The following FZD6 variants were observed in gnomAD, a reference collection of about 807,000 sequenced individuals.
FZD6 encodes frizzled-6.
Under a neutral mutation model 61.4 loss-of-function variants are expected in FZD6, and 49 were observed. The observed-to-expected ratio is 0.80, with a 90% CI of 0.63 to 1.01. The LOEUF is 1.01. Ranked by LOEUF, FZD6 falls within the 50% of genes least tolerant of loss-of-function variation. The pLI is 0.00. For missense variants in FZD6, 724 were observed against 848.2 expected (o/e 0.85, Z 1.82); for synonymous variants, 265 against 292.2 (o/e 0.91, Z 0.95).
At chr8:103,313,499 G>C (rs552658707) in intron 2 of FZD6, among the ~76,000 whole-genome samples, 1 of 152,184 alleles carries the variant, frequency 6.6e-6, no homozygotes, top group Non-Finnish European at 1.5e-5. Flanking sequence ...TCTCAGCAGG[G>C]AGAGCTTCCT....
At position 103,329,678 on chromosome 8, in the gene FZD6, T is replaced by C. The variant is rs2130345581; in HGVS notation, c.1565T>C (p.Val522Ala). The C allele has an allele frequency of 6.2e-7, 1 of 1,610,790 alleles. No individual in the cohort carries two copies. Among genetic ancestry groups the C allele is most frequent in the Non-Finnish European group, 8.5e-7 (1 of 1,177,192 alleles). The change falls in exon 6 of 7, where the codon GTA (valine) becomes GCA (alanine). Residue 522 changes from valine (V) to alanine (A), a missense_variant. Val to Ala is a moderately conservative substitution (Grantham distance 64). Coordinates refer to ENST00000358755, the MANE Select transcript of FZD6 (RefSeq NM_003506.4). ...KRDPISESRR[V>A]LQESCEFFLK... ...AGTCCAATCAGTGAAAGTCGAAGAG[T>C]ACTACAGGAATCATGTGAGTTTTTC...
At chr8:103,321,087 G>A (rs565574416) in intron 3 of FZD6, among the ~76,000 whole-genome samples, 10 of 152,148 alleles carry the variant, frequency 6.6e-5, no homozygotes, top group Middle Eastern at 3.2e-3. Context: ...TGCCTACTCA[G>A]TTTCAAAGCA....
intron 4 of FZD6, among the ~76,000 whole-genome samples, chr8:103,326,232 A>T (rs1309243359): frequency 6.6e-6 from 1 of 152,174 alleles, no homozygotes; most frequent in Non-Finnish European, 1.5e-5. Flanking sequence ...AGCAATGGGA[A>T]TGTCAAACTA....
chr8:103,307,980 G>C (rs1159443558), intron 2 of FZD6: 3 of 455,258 alleles, frequency 6.6e-6, no homozygotes, highest in Non-Finnish European at 1.3e-5. Flanking sequence ...CTAGATAGTT[G>C]GTTGATCCTG....
intron 2 of FZD6, among the ~76,000 whole-genome samples, chr8:103,308,364 C>T (rs1279235077): frequency 6.6e-6 from 1 of 152,168 alleles, no homozygotes; most frequent in Admixed American, 6.5e-5. Context: ...TAGAACTCTT[C>T]CAAGCTCTTG....
At position 103,328,374 on chromosome 8, in the gene FZD6, G is replaced by A; in HGVS notation, c.1499G>A (p.Cys500Tyr). ...TTCTGGGTTGGAAGCAAAAAGACAT[G>A]CACAGAATGGGCTGGGTTTTTTAAA... The part of the protein sequence containing the change: ...AVFWVGSKKT[C>Y]TEWAGFFKRN... The change falls in exon 5 of 7, where the codon TGC (cysteine) becomes TAC (tyrosine). Residue 500 changes from cysteine (C) to tyrosine (Y), a missense_variant. Transcript: ENST00000358755. 1 of 1,612,706 alleles carries A rather than the reference G, an allele frequency of 6.2e-7. No individual in the cohort carries two copies. The highest frequency in any genetic ancestry group is 2.2e-5 in the East Asian group (1 of 44,800).
intron 2 of FZD6, among the ~76,000 whole-genome samples, chr8:103,310,475 G>A (rs917896670): frequency 4.6e-5 from 7 of 151,952 alleles, no homozygotes; most frequent in Admixed American, 2.6e-4. Context: ...ATGTTGCCCC[G>A]GCTGGTCTCG....
At position 103,318,251 on chromosome 8, in the gene FZD6, G is replaced by A. The variant is rs147404633; in HGVS notation, c.178-339G>A. On this transcript the variant is annotated intron_variant, in intron 2 of 6. Transcript: ENST00000358755. Reference sequence around the variant, plus strand: ...CGTGTCCTAGAAGACAAGTGCAAAAGGGGCCTCAAGAGGAAGCTAGGAGTC... The same window carrying A: ...CGTGTCCTAGAAGACAAGTGCAAAAAGGGCCTCAAGAGGAAGCTAGGAGTC... 4.3e-3 allele frequency among the ~76,000 whole-genome samples: 658 copies of A among 152,296 alleles called. 4 individuals are homozygous for A. The highest frequency in any genetic ancestry group is 0.019 in the South Asian group (93 of 4,824).
chr8:103,330,281 C>T (rs963032856), intron 6 of FZD6, among the ~76,000 whole-genome samples: 6 of 152,162 alleles, frequency 3.9e-5, no homozygotes, highest in African/African-American at 1.4e-4. Flanking sequence ...TAGGAATGTT[C>T]ATTTCTGTGG....
At chr8:103,307,657 A>G (rs1192786257) in intron 2 of FZD6, 1 of 425,514 alleles carries the variant, frequency 2.4e-6, no homozygotes, top group Non-Finnish European at 4.5e-6. Flanking sequence ...CATTGATTTT[A>G]TATAGCTCTT....
At chr8:103,319,531 G>T (rs1054948590) in intron 3 of FZD6, among the ~76,000 whole-genome samples, 1 of 152,184 alleles carries the variant, frequency 6.6e-6, no homozygotes, top group Admixed American at 6.5e-5. Context: ...GGCAGTTTCT[G>T]TTAGGAATCC....
At chr8:103,321,571 T>G (rs1484010887) in intron 3 of FZD6, among the ~76,000 whole-genome samples, 1 of 152,218 alleles carries the variant, frequency 6.6e-6, no homozygotes, top group Non-Finnish European at 1.5e-5. Flanking sequence ...ACATGAAGGC[T>G]GCATCTATTA....
chr8:103,303,230 G>A (rs968413416), intron 2 of FZD6, among the ~76,000 whole-genome samples: 2 of 152,056 alleles, frequency 1.3e-5, no homozygotes, highest in Non-Finnish European at 2.9e-5. Flanking sequence ...TGACCTATTT[G>A]GAGAATTCAA....
At chr8:103,311,710 C>T (rs905680967) in intron 2 of FZD6, among the ~76,000 whole-genome samples, 1 of 145,250 alleles carries the variant, frequency 6.9e-6, no homozygotes, top group Non-Finnish European at 1.5e-5. Flanking sequence ...AAAGTGTTAA[C>T]TTACCAAGGA....
At chr8:103,327,316 C>T (rs941521583) in intron 4 of FZD6, among the ~76,000 whole-genome samples, 33 of 152,292 alleles carry the variant, frequency 2.2e-4, no homozygotes, top group African/African-American at 7.2e-4. Context: ...GAGCTCTGGC[C>T]GGGTGCGGTG....
chr8:103,311,741 T>A (rs575594258), intron 2 of FZD6, among the ~76,000 whole-genome samples: 1 of 150,172 alleles, frequency 6.7e-6, no homozygotes, highest in East Asian at 2.0e-4. Context: ...CCATAGCACC[T>A]ACAGTTGTTT....
intron 2 of FZD6, among the ~76,000 whole-genome samples, chr8:103,308,359 C>G (rs543921262): frequency 6.6e-6 from 1 of 152,310 alleles, no homozygotes; most frequent in South Asian, 2.1e-4. Context: ...TTCTGTAGAA[C>G]TCTTCCAAGC....
At chr8:103,313,087 A>G (rs1814541184) in intron 2 of FZD6, among the ~76,000 whole-genome samples, 1 of 152,184 alleles carries the variant, frequency 6.6e-6, no homozygotes, top group African/African-American at 2.4e-5. Flanking sequence ...ATAGGTTCAT[A>G]TCCTAGTTCT....
intron 1 of FZD6, among the ~76,000 whole-genome samples, chr8:103,299,268 C>T (rs1371165207): frequency 1.3e-5 from 2 of 152,212 alleles, no homozygotes; most frequent in Non-Finnish European, 2.9e-5. Flanking sequence ...GGGGCGCTGG[C>T]GGACCGGGCA....
Sources: gnomAD v4.1 joint callset for allele counts (sites outside exome capture counted in the v4.1 genomes callset) on GRCh38, gnomAD v4.1.1 for gene constraint, MANE v1.5 for transcripts, NCBI Gene and HGNC (gene_info 2026-07-23, HGNC 2026-07-21) for gene names.